The following CEP128 variants were observed in gnomAD, a reference collection of about 807,000 sequenced individuals.
CEP128 encodes centrosomal protein 128kDa.
Under a neutral mutation model 156.7 loss-of-function variants are expected in CEP128, and 132 were observed. The observed-to-expected ratio is 0.84, with a 90% CI of 0.73 to 0.97. The LOEUF is 0.97. CEP128 is among the 50% of genes least tolerant of loss of function. The probability of loss-of-function intolerance (pLI) is 0.00; values close to 1 mark genes in which losing one functional copy is unlikely to be tolerated. For missense variants in CEP128, 1,252 were observed against 1,281.9 expected (o/e 0.98, Z 0.36); for synonymous variants, 469 against 448.9 (o/e 1.04, Z -0.57).
chr14:80,591,176 A>G (rs1595055687), intron 19 of CEP128, among the ~76,000 whole-genome samples: 1 of 152,218 alleles, frequency 6.6e-6, no homozygotes, highest in Non-Finnish European at 1.5e-5. Context: ...TTAAATGTAA[A>G]TGGGCTAAAT....
chr14:80,736,096 C>A (rs1898514362), intron 19 of CEP128, among the ~76,000 whole-genome samples: 2 of 152,088 alleles, frequency 1.3e-5, no homozygotes. Context: ...CAGGCATTAT[C>A]ATTTTGTATG....
chr14:80,905,270 T>TA (rs200707333), intron 5 of CEP128, among the ~76,000 whole-genome samples: 2 of 151,492 alleles, frequency 1.3e-5, no homozygotes, highest in Admixed American at 6.6e-5. Context: ...AACTTAATAC[T>TA]AAAAAAAACA....
chr14:80,487,059 C>A (rs1043274173), downstream of CEP128, among the ~76,000 whole-genome samples: 2 of 152,054 alleles, frequency 1.3e-5, no homozygotes, highest in African/African-American at 4.8e-5. Flanking sequence ...CTAAATGCTC[C>A]AATTAAAAGA....
chr14:80,664,623 T>C (rs1029097931), intron 19 of CEP128, among the ~76,000 whole-genome samples: 16 of 152,178 alleles, frequency 1.1e-4, no homozygotes, highest in Non-Finnish European at 1.5e-5. Context: ...CATGGAAGGA[T>C]AAATTGATTG....
chr14:80,621,305 A>G (rs17110868), intron 19 of CEP128, among the ~76,000 whole-genome samples: 20,576 of 152,168 alleles, frequency 0.14, 2,413 homozygotes, highest in African/African-American at 0.32. Context: ...TTAGTCAGGT[A>G]GCAGGCCCAA....
At chr14:80,668,919 C>T (rs1354425038) in intron 19 of CEP128, among the ~76,000 whole-genome samples, 2 of 152,176 alleles carry the variant, frequency 1.3e-5, no homozygotes, top group Non-Finnish European at 2.9e-5. Context: ...AGCTCTCTTG[C>T]CTGCCACCAT....
chr14:80,638,637 T>C (rs1349877481), intron 19 of CEP128, among the ~76,000 whole-genome samples: 1 of 152,200 alleles, frequency 6.6e-6, no homozygotes, highest in Non-Finnish European at 1.5e-5. Context: ...ACGATGTCTT[T>C]TACCCTTCTA....
intron 2 of CEP128, among the ~76,000 whole-genome samples, chr14:80,953,776 G>A (rs1886523714): frequency 6.6e-6 from 1 of 152,142 alleles, no homozygotes; most frequent in Admixed American, 6.5e-5. Context: ...TTCATTTGTA[G>A]TCAGCCCTAC....
chr14:80,586,436 A>G (rs753889270), intron 19 of CEP128, among the ~76,000 whole-genome samples: 23 of 152,206 alleles, frequency 1.5e-4, no homozygotes, highest in Non-Finnish European at 2.6e-4. Flanking sequence ...TGGTGTATCA[A>G]TCTGAGCCCA....
chr14:80,761,992 C>T (rs1439501363), intron 16 of CEP128, among the ~76,000 whole-genome samples: 1 of 151,990 alleles, frequency 6.6e-6, no homozygotes, highest in Non-Finnish European at 1.5e-5. Flanking sequence ...AGTAAAACAC[C>T]AGAAAATATA....
chr14:80,828,106 T>C (rs1378038534), intron 13 of CEP128, among the ~76,000 whole-genome samples: 2 of 150,962 alleles, frequency 1.3e-5, no homozygotes, highest in Non-Finnish European at 3.0e-5. Flanking sequence ...TATTTTGGCC[T>C]ACTTTGCTTC....
chr14:80,543,606 T>A (rs1055931226), intron 21 of CEP128, among the ~76,000 whole-genome samples: 4 of 152,148 alleles, frequency 2.6e-5, no homozygotes, highest in African/African-American at 9.7e-5. Flanking sequence ...TGAAAACCAG[T>A]GGATACAATA....
Position 80,757,390 on chromosome 14 carries a change from T to G in CEP128, c.2554-439A>C, listed in dbSNP as rs148274773. Among the ~76,000 whole-genome samples, 125 of 152,312 alleles carry G rather than the reference T, an allele frequency of 8.2e-4. 5 individuals carry two copies. The East Asian group carries it at 0.023, about 28-fold the overall frequency. On this transcript the variant is annotated intron_variant, in intron 17 of 24. Coordinates refer to ENST00000555265, the MANE Select transcript of CEP128 (RefSeq NM_152446.5). ...CATTTATCCTTCTTTAATTTAATAG[T>G]AAAAGGGCCATTTTGTCTTATCAAT...
At chr14:80,531,700 T>A (rs1165216980) in intron 21 of CEP128, among the ~76,000 whole-genome samples, 4 of 152,098 alleles carry the variant, frequency 2.6e-5, no homozygotes, top group African/African-American at 7.2e-5. Context: ...TTCAATGAAA[T>A]AAACAATAAA....
intron 19 of CEP128, among the ~76,000 whole-genome samples, chr14:80,632,462 A>G (rs1894001461): frequency 6.7e-6 from 1 of 148,786 alleles, no homozygotes; most frequent in Non-Finnish European, 1.5e-5. Flanking sequence ...TATATTATAC[A>G]TATGATATAT....
intron 23 of CEP128, among the ~76,000 whole-genome samples, chr14:80,507,798 A>T (rs1888048672): frequency 6.6e-6 from 1 of 152,232 alleles, no homozygotes; most frequent in South Asian, 2.1e-4. Flanking sequence ...TTAAACAAAG[A>T]TATTTAAATA....
At chr14:80,937,277 C>A (rs1434613371) in intron 2 of CEP128, among the ~76,000 whole-genome samples, 1 of 152,174 alleles carries the variant, frequency 6.6e-6, no homozygotes, top group Non-Finnish European at 1.5e-5. Flanking sequence ...GCCAAGATAG[C>A]ACCACTGCAC....
intron 19 of CEP128, among the ~76,000 whole-genome samples, chr14:80,623,203 G>T (rs901082684): frequency 5.3e-5 from 8 of 150,982 alleles, no homozygotes; most frequent in Admixed American, 4.7e-4. Flanking sequence ...GTAAACTGTC[G>T]CAAGGACAAA....
chr14:80,947,530 AAC>A, intron 2 of CEP128, among the ~76,000 whole-genome samples: 1 of 152,246 alleles, frequency 6.6e-6, no homozygotes, highest in Non-Finnish European at 1.5e-5. Flanking sequence ...AAATGGCAAC[AAC>A]ACAGCATTAA....
Sources: allele counts gnomAD v4.1 joint callset (sites outside exome capture counted in the v4.1 genomes callset), GRCh38; gene constraint gnomAD v4.1.1; transcripts MANE v1.5; gene names NCBI Gene and HGNC (gene_info 2026-07-23, HGNC 2026-07-21).